Variants in EYS observed in about 807,000 individuals in gnomAD.
The protein encoded by EYS is EGF-like photoreceptor maintenance factor.
Under a neutral mutation model 282.1 loss-of-function variants are expected in EYS, and 250 were observed. The observed-to-expected ratio is 0.89, with a 90% confidence interval of 0.80 to 0.98. The LOEUF (loss-of-function observed/expected upper bound fraction) is 0.98, where lower values mean the gene tolerates loss of function less well. Ranked by LOEUF, EYS falls within the 50% of genes least tolerant of loss-of-function variation. EYS has a pLI of 0.00. For missense variants in EYS, 4,016 were observed against 3,709.0 expected (o/e 1.08, Z -2.15); for synonymous variants, 1,355 against 1,282.9 (o/e 1.06, Z -1.20).
chr6:65,479,988 T>C (rs1163093101), intron 5 of EYS, among the ~76,000 whole-genome samples: 1 of 130,768 alleles, frequency 7.6e-6, no homozygotes, highest in Non-Finnish European at 1.6e-5. Context: ...ATCCTGTCTC[T>C]ACTAAAAATA....
intron 26 of EYS, among the ~76,000 whole-genome samples, chr6:64,558,418 A>G (rs1005143135): frequency 9.9e-5 from 15 of 152,128 alleles, no homozygotes; most frequent in African/African-American, 3.4e-4. Flanking sequence ...AAACATTACA[A>G]TGCATAGGAC....
Position 64,949,607 on chromosome 6 carries a change from G to T in EYS, c.2260-3693C>A, listed in dbSNP as rs545780644. On this transcript the variant is annotated intron_variant, in intron 14 of 42. Coordinates refer to ENST00000503581, the MANE Select transcript of EYS (RefSeq NM_001142800.2). The stretch of plus-strand genomic sequence containing the variant: ...TGATTAAATAAAAGTCACTTATTGG[G>T]GGTGTTAATAACACTGTAAAATCTC... Among the ~76,000 whole-genome samples the T allele has an allele frequency of 2.0e-5, 3 of 151,792 alleles. No homozygotes were observed. The South Asian group carries it at 6.2e-4, about 32-fold the overall frequency.
At chr6:64,958,206 G>A (rs1450565249) in intron 14 of EYS, among the ~76,000 whole-genome samples, 1 of 151,928 alleles carries the variant, frequency 6.6e-6, no homozygotes, top group African/African-American at 2.4e-5. Context: ...ACCATATGTT[G>A]TGTGTATATG....
At chr6:63,979,647 G>T (rs926827536) in intron 35 of EYS, among the ~76,000 whole-genome samples, 5 of 151,876 alleles carry the variant, frequency 3.3e-5, no homozygotes, top group African/African-American at 1.2e-4. Context: ...GGAAAGTGAT[G>T]TAAATATTAT....
intron 5 of EYS, among the ~76,000 whole-genome samples, chr6:65,445,237 T>A (rs1582305316): frequency 6.6e-6 from 1 of 152,064 alleles, no homozygotes; most frequent in East Asian, 1.9e-4. Flanking sequence ...TTCTTATAAC[T>A]TTTTGTACTA....
intron 31 of EYS, among the ~76,000 whole-genome samples, chr6:64,118,204 GT>G (rs1319990249): frequency 6.6e-6 from 1 of 152,004 alleles, no homozygotes; most frequent in Admixed American, 6.6e-5. Context: ...CTGAAAATTT[GT>G]ATAAAGCCAC....
chr6:63,828,957 T>C (rs1372509441), intron 36 of EYS, among the ~76,000 whole-genome samples: 1 of 152,174 alleles, frequency 6.6e-6, no homozygotes, highest in East Asian at 1.9e-4. Context: ...TACCATTTGA[T>C]CCAGCAGTAC....
At chr6:64,036,976 GA>G (rs1770153865) in intron 33 of EYS, among the ~76,000 whole-genome samples, 1 of 152,124 alleles carries the variant, frequency 6.6e-6, no homozygotes, top group African/African-American at 2.4e-5. Context: ...AGAATATTTG[GA>G]GTGTGAGATA....
chr6:64,956,966 C>T (rs1769728727), intron 14 of EYS, among the ~76,000 whole-genome samples: 1 of 152,144 alleles, frequency 6.6e-6, no homozygotes, highest in African/African-American at 2.4e-5. Context: ...TCCACTTATA[C>T]TGTTGATGTG....
intron 38 of EYS, 31 bp downstream of exon 38, chr6:63,789,027 T>A: frequency 6.5e-7 from 1 of 1,547,020 alleles, no homozygotes; most frequent in Non-Finnish European, 8.7e-7. Flanking sequence ...TGCTCTCAGT[T>A]TGTGGAAGTG....
At chr6:64,424,204 G>A (rs888279048) in intron 28 of EYS, among the ~76,000 whole-genome samples, 10 of 152,120 alleles carry the variant, frequency 6.6e-5, no homozygotes, top group East Asian at 1.9e-4. Flanking sequence ...ATCAACCCCC[G>A]TTTTCATATT....
At chr6:64,633,626 CAA>C (rs58815312) in intron 22 of EYS, among the ~76,000 whole-genome samples, 82,970 of 140,556 alleles carry the variant, frequency 0.59, 24,076 homozygotes, top group South Asian at 0.69. Context: ...CTTTTCTCAG[CAA>C]AAAAAAAAAA....
chr6:64,925,836 A>G (rs1768499262), intron 15 of EYS, among the ~76,000 whole-genome samples: 1 of 152,110 alleles, frequency 6.6e-6, no homozygotes, highest in African/African-American at 2.4e-5. Flanking sequence ...AACTGGGCCA[A>G]GCGAGCCTGC....
At chr6:64,635,573 T>G (rs1767947312) in intron 22 of EYS, among the ~76,000 whole-genome samples, 2 of 152,190 alleles carry the variant, frequency 1.3e-5, no homozygotes, top group South Asian at 2.1e-4. Flanking sequence ...CTGCATCTAT[T>G]GAGATTATCA....
intron 30 of EYS, among the ~76,000 whole-genome samples, chr6:64,271,901 G>T (rs973576530): frequency 1.3e-5 from 2 of 151,958 alleles, no homozygotes; most frequent in African/African-American, 4.8e-5. Context: ...GTGCAATGGC[G>T]TGATCTCAGC....
At chr6:65,140,552 G>A (rs1764302536) in intron 12 of EYS, among the ~76,000 whole-genome samples, 1 of 151,400 alleles carries the variant, frequency 6.6e-6, no homozygotes, top group East Asian at 2.0e-4. Flanking sequence ...GAGTGAACAG[G>A]CAACCTACAA....
chr6:64,765,518 A>G (rs1015257453), intron 22 of EYS, among the ~76,000 whole-genome samples: 6 of 152,038 alleles, frequency 3.9e-5, no homozygotes, highest in African/African-American at 1.5e-4. Context: ...CCAATTTTCT[A>G]TATTAGTCTA....
intron 11 of EYS, among the ~76,000 whole-genome samples, chr6:65,314,560 T>G (rs969171084): frequency 3.5e-3 from 306 of 87,522 alleles, no homozygotes; most frequent in African/African-American, 0.014. Context: ...CTTCCCCTTA[T>G]GGTGTGTGTG....
At chr6:64,262,151 G>A (rs1259979473) in intron 30 of EYS, among the ~76,000 whole-genome samples, 1 of 151,978 alleles carries the variant, frequency 6.6e-6, no homozygotes, top group Non-Finnish European at 1.5e-5. Flanking sequence ...CCCATGACAT[G>A]TGCATTTATT....
Sources: allele counts gnomAD v4.1 joint callset (sites outside exome capture counted in the v4.1 genomes callset), GRCh38; gene constraint gnomAD v4.1.1; transcripts MANE v1.5; gene names NCBI Gene and HGNC (gene_info 2026-07-23, HGNC 2026-07-21).